The following NSDHL variants were observed in gnomAD, a reference collection of about 807,000 sequenced individuals.
The protein encoded by NSDHL is sterol-4-alpha-carboxylate 3-dehydrogenase, decarboxylating.
Under a neutral mutation model 23.0 loss-of-function variants are expected in NSDHL, and 1 was observed. The ratio of observed to expected loss-of-function variants is 0.04; its 90% confidence interval spans 0.02 to 0.21. The LOEUF is 0.21. Ranked by LOEUF, NSDHL falls within the 10% of genes least tolerant of loss-of-function variation. The pLI, the probability that NSDHL is intolerant of heterozygous loss-of-function variation, is 1.00. For synonymous variants in NSDHL, 128 were observed against 121.1 expected (o/e 1.06, Z -0.37); for missense variants, 237 against 300.9 (o/e 0.79, Z 1.57).
chrX:152,860,204 C>T (rs958730582), intron 4 of NSDHL, among the ~76,000 whole-genome samples: 21 of 112,377 alleles, frequency 1.9e-4, no homozygotes, highest in Non-Finnish European at 3.2e-4. Flanking sequence ...TGACCCCTAG[C>T]AGTTGACAAG....
At chrX:152,858,392 CTTT>C (rs1933475175) in intron 3 of NSDHL, among the ~76,000 whole-genome samples, 2 of 112,324 alleles carry the variant, frequency 1.8e-5, no homozygotes, top group East Asian at 5.5e-4. Context: ...TATTTACTGT[CTTT>C]AATGGTGTGG....
At chrX:152,866,957 G>A (rs192412273) in intron 6 of NSDHL, among the ~76,000 whole-genome samples, 280 of 111,620 alleles carry the variant, frequency 2.5e-3, no homozygotes, top group African/African-American at 8.5e-3. Context: ...AATGGGCCCC[G>A]GGTCAAAGGC....
In NSDHL at chrX:152,850,336, A is replaced by G. The variant is rs1556846105; in HGVS notation, c.180A>G (p.Arg60=). 8.3e-7 allele frequency: 1 copy of G among 1,209,037 alleles called. No homozygotes were observed. The highest frequency in any genetic ancestry group is 1.1e-6 in the Non-Finnish European group (1 of 893,197). ...GQHMVEQLLA[R]GYAVNVFDIQ... ...ACATGGTGGAGCAGTTGCTGGCAAGAGGATATGCTGTCAATGTATTTGATA... is the reference window on the plus strand; with the variant it reads ...ACATGGTGGAGCAGTTGCTGGCAAGGGGATATGCTGTCAATGTATTTGATA... Residue 60 remains arginine (R), a synonymous_variant, in exon 3 of 8, where the codon AGA becomes AGG. Coordinates refer to ENST00000370274, the MANE Select transcript of NSDHL (RefSeq NM_015922.3).
chrX:152,868,725 T>C, intron 7 of NSDHL, 59 bp from the exon 8 acceptor site: 1 of 1,021,005 alleles, frequency 9.8e-7, no homozygotes, highest in Non-Finnish European at 1.4e-6. Context: ...TAATAGATGC[T>C]TCAACTTTGG....
At chrX:152,839,633 CTCTTCTGGCTTGTAGGGTT>C (rs1933158378) in intron 1 of NSDHL, among the ~76,000 whole-genome samples, 1 of 112,683 alleles carries the variant, frequency 8.9e-6, no homozygotes, top group African/African-American at 3.2e-5. Flanking sequence ...GGCTCCCACT[CTCTTCTGGCTTGTAGGGTT>C]TCTGCCGAGG....
At chrX:152,860,324 T>A (rs1226464043) in intron 4 of NSDHL, among the ~76,000 whole-genome samples, 1 of 112,104 alleles carries the variant, frequency 8.9e-6, no homozygotes, top group Non-Finnish European at 1.9e-5. Context: ...AAGCAGATTC[T>A]CCAAGTCCCA....
Position 152,834,955 on chromosome X carries a change from G to A in NSDHL, c.-44+3838G>A, listed in dbSNP as rs781796233. ...CTGCACTGGACCTTGTGCAAGGGTG[G>A]GGCTCCGACAACCTTTCCCCTTTAC... On this transcript the variant is annotated intron_variant, in intron 1 of 7. Coordinates refer to ENST00000370274, the MANE Select transcript of NSDHL (RefSeq NM_015922.3). Among the ~76,000 whole-genome samples, 10 of 111,330 alleles carry A rather than the reference G, an allele frequency of 9.0e-5. No individual in the cohort carries two copies. In the South Asian group the frequency reaches 1.1e-3, roughly 13 times the overall value.
chrX:152,838,760 A>C (rs1348658917), intron 1 of NSDHL, among the ~76,000 whole-genome samples: 1 of 111,994 alleles, frequency 8.9e-6, no homozygotes, highest in Admixed American at 9.5e-5. Flanking sequence ...GGTGCTGAGA[A>C]GAATGTATAT....
At chrX:152,864,899 T>G (rs782718865) in intron 5 of NSDHL, among the ~76,000 whole-genome samples, 4 of 111,563 alleles carry the variant, frequency 3.6e-5, no homozygotes, top group Non-Finnish European at 7.5e-5. Flanking sequence ...GACCAGCACT[T>G]TGCTACCATA....
intron 4 of NSDHL, among the ~76,000 whole-genome samples, chrX:152,861,320 C>A (rs1933524594): frequency 8.8e-6 from 1 of 113,036 alleles, no homozygotes; most frequent in Non-Finnish European, 1.9e-5. Context: ...ACACCATCTG[C>A]AGCATGTCTT....
At chrX:152,862,768 A>G (rs1556847662) in intron 5 of NSDHL, 44 bp downstream of exon 5, 1 of 1,142,418 alleles carries the variant, frequency 8.8e-7, no homozygotes, top group African/African-American at 1.8e-5. Context: ...TGAAGGGTTT[A>G]GAATCCTAAG....
chrX:152,856,959 C>T (rs782043345), intron 3 of NSDHL, among the ~76,000 whole-genome samples: 4 of 112,502 alleles, frequency 3.6e-5, no homozygotes, highest in East Asian at 5.6e-4. Context: ...TCGGGAGAAT[C>T]GCTTGAGCCC....
At chrX:152,848,596 A>AT (rs1386572559) in intron 2 of NSDHL, among the ~76,000 whole-genome samples, 1 of 112,874 alleles carries the variant, frequency 8.9e-6, no homozygotes, top group African/African-American at 3.2e-5. Context: ...TTTTGAAGAG[A>AT]TTAGCAACCT....
At chrX:152,837,202 C>T (rs1195711766) in intron 1 of NSDHL, among the ~76,000 whole-genome samples, 3 of 111,811 alleles carry the variant, frequency 2.7e-5, no homozygotes, top group African/African-American at 6.5e-5. Flanking sequence ...TGGGCTGAAA[C>T]GATAGGGTTT....
chrX:152,851,437 T>C (rs1933355247), intron 3 of NSDHL, among the ~76,000 whole-genome samples: 1 of 111,750 alleles, frequency 8.9e-6, no homozygotes, highest in Admixed American at 9.5e-5. Flanking sequence ...GCCAATCCTG[T>C]GCCCGTTGTA....
At chrX:152,856,919 A>G (rs1933451342) in intron 3 of NSDHL, among the ~76,000 whole-genome samples, 1 of 112,553 alleles carries the variant, frequency 8.9e-6, no homozygotes. Flanking sequence ...TTAGCCGGGC[A>G]TGGTGGCATA....
At chrX:152,840,903 G>A (rs1422916782) in intron 1 of NSDHL, among the ~76,000 whole-genome samples, 1 of 113,352 alleles carries the variant, frequency 8.8e-6, no homozygotes, top group African/African-American at 3.2e-5. Context: ...GCTATGCCAT[G>A]CCCACAGAGG....
At chrX:152,868,635 C>A in intron 7 of NSDHL, 149 bp from the exon 8 acceptor site, 1 of 558,123 alleles carries the variant, frequency 1.8e-6, no homozygotes, top group Non-Finnish European at 3.2e-6. Context: ...CCTTTCTATG[C>A]CTTAGCAGTT....
At chrX:152,860,790 C>T (rs1933515074) in intron 4 of NSDHL, among the ~76,000 whole-genome samples, 1 of 111,962 alleles carries the variant, frequency 8.9e-6, no homozygotes. Flanking sequence ...ATTTAAGAAA[C>T]AACATTACTG....
Sources: gnomAD v4.1 joint callset for allele counts (sites outside exome capture counted in the v4.1 genomes callset) on GRCh38, gnomAD v4.1.1 for gene constraint, MANE v1.5 for transcripts, NCBI Gene and HGNC (gene_info 2026-07-23, HGNC 2026-07-21) for gene names.